The following PER1 variants were observed in gnomAD, a reference collection of about 807,000 sequenced individuals.
The protein encoded by PER1 is period circadian protein homolog 1.
A neutral mutation model predicts 125.9 loss-of-function variants in PER1; 87 were observed. That is an observed-to-expected ratio of 0.69 (90% CI 0.58 to 0.83). The LOEUF (loss-of-function observed/expected upper bound fraction) is 0.83. Among genes scored for constraint, PER1 ranks in the 40% least tolerant of loss-of-function variants. The probability of loss-of-function intolerance (pLI) is 0.00; values close to 1 mark genes in which losing one functional copy is unlikely to be tolerated. For synonymous variants in PER1, 801 were observed against 714.7 expected (o/e 1.12, Z -1.93); for missense variants, 1,775 against 1,722.8 (o/e 1.03, Z -0.54).
At chr17:8,145,843 C>A (rs1173257530) in intron 17 of PER1, 115 bp downstream of exon 17, 5 of 1,231,520 alleles carry the variant, frequency 4.1e-6, no homozygotes, top group African/African-American at 3.1e-5. Context: ...AGCCCCAGGT[C>A]AAGGGAGGCC....
rs1180091489 is a variant in PER1 at position 8,141,278 on chromosome 17, T to C, written c.3663A>G (p.Ser1221=). The C allele has an allele frequency of 1.2e-6, 2 of 1,613,950 alleles. No individual in the cohort carries two copies. The highest frequency in any genetic ancestry group is 4.5e-5 in the East Asian group (2 of 44,896). ...DPGHPDDPLF[S]ELDGLGLEPM... ...GCTCCAGCCCCAGTCCATCCAGCTC[T>C]GAGAAGAGTGGGTCATCAGGGTGAC... Residue 1221 remains serine, a synonymous_variant, in exon 23 of 23, where the codon TCA becomes TCG. Transcript: ENST00000317276.
chr17:8,142,114 TCTC>T, intron 21 of PER1, 152 bp downstream of exon 21: 2 of 1,147,726 alleles, frequency 1.7e-6, no homozygotes, highest in Non-Finnish European at 2.5e-6. Context: ...GGAAACCTGC[TCTC>T]CTCCTGGGAG....
At chr17:8,141,549 T>C (rs1982078233) in intron 22 of PER1, among the ~76,000 whole-genome samples, 1 of 152,202 alleles carries the variant, frequency 6.6e-6, no homozygotes, top group South Asian at 2.1e-4. Context: ...CAATGCATAT[T>C]AGCATAGGAT....
At chr17:8,144,676 C>T in intron 18 of PER1, 75 bp downstream of exon 18, 2 of 1,529,648 alleles carry the variant, frequency 1.3e-6, no homozygotes, top group South Asian at 2.4e-5. Context: ...GAAACACCTC[C>T]CTTAAGACCC....
intron 6 of PER1, 29 bp from the exon 7 acceptor site, chr17:8,149,339 A>G: frequency 5.0e-6 from 8 of 1,613,086 alleles, no homozygotes; most frequent in Non-Finnish European, 6.8e-6. Flanking sequence ...GAGTGAGCAC[A>G]GCTTCCTGCC....
chr17:8,147,121 G>T, intron 13 of PER1, 119 bp from the exon 14 acceptor site: 1 of 1,408,224 alleles, frequency 7.1e-7, no homozygotes, highest in Non-Finnish European at 9.8e-7. Flanking sequence ...ATGGGAGCAG[G>T]ACAAGAAGGA....
chr17:8,146,857 C>A lies in PER1; in HGVS notation c.1735+40G>T, dbSNP rs775797654. The A allele has an allele frequency of 6.8e-6, 11 of 1,608,788 alleles. No individual in the cohort carries two copies. The Admixed American group carries it at 1.0e-4, about 15-fold the overall frequency. ...TTGGGGGTGAAGGTCAGGGGACCCCCCAGGTCTGTCTCTTCACCCACACAT... is the reference window on the plus strand; with the variant it reads ...TTGGGGGTGAAGGTCAGGGGACCCCACAGGTCTGTCTCTTCACCCACACAT... On this transcript the variant is annotated intron_variant, in intron 14 of 22. Transcript: ENST00000317276.
At chr17:8,142,596 C>G (rs927641105) in intron 20 of PER1, 53 bp downstream of exon 20, 2 of 1,595,160 alleles carry the variant, frequency 1.3e-6, no homozygotes, top group African/African-American at 1.3e-5. Context: ...CCTGGGCTCC[C>G]GGCTCCCCAA....
rs1982742223 is a variant in PER1 at position 8,150,080 on chromosome 17, T to C, written c.420A>G (p.Thr140=). Residue 140 remains threonine, a synonymous_variant, in exon 4 of 23, where the codon ACA becomes ACG. Transcript: ENST00000317276. ...GTCGAAGCTTGAGCTCTCGAAGTGCTGTCATGAGTTCCTTCTGAGTCCTTG... is the reference window on the plus strand; with the variant it reads ...GTCGAAGCTTGAGCTCTCGAAGTGCCGTCATGAGTTCCTTCTGAGTCCTTG... ...ARARTQKELM[T]ALRELKLRLP... is the part of the protein sequence containing the mutation. The C allele has an allele frequency of 6.2e-7, 1 of 1,614,224 alleles. No homozygotes were observed. The highest frequency in any genetic ancestry group is 8.5e-7 in the Non-Finnish European group (1 of 1,180,030).
chr17:8,151,241 G>A (rs1377391567), intron 1 of PER1, among the ~76,000 whole-genome samples: 5 of 152,226 alleles, frequency 3.3e-5, no homozygotes, highest in Non-Finnish European at 5.9e-5. Flanking sequence ...TCCGGGGGCG[G>A]TGCCACCCCC....
Position 8,149,575 on chromosome 17 carries a change from T to C in PER1, c.740A>G (p.Asp247Gly), listed in dbSNP as rs755358051. Residue 247 changes from aspartate (D) to glycine (G), a missense_variant, in exon 6 of 23, where the codon GAC becomes GGC. Coordinates refer to ENST00000317276, the MANE Select transcript of PER1 (RefSeq NM_002616.3). Reference sequence around the variant, plus strand: ...AGAGAAGCGGGTACCCCGGAACACGTCCCGCTTGCAACGCAGCAGGACGGC... The same window carrying C: ...AGAGAAGCGGGTACCCCGGAACACGCCCCGCTTGCAACGCAGCAGGACGGC... Reference protein sequence around the residue: ...QAAVLLRCKRDVFRGTRFSEL... With the variant: ...QAAVLLRCKRGVFRGTRFSEL... 1 of 1,613,666 alleles carries C rather than the reference T, an allele frequency of 6.2e-7. No homozygotes were observed. Among genetic ancestry groups the C allele is most frequent in the Admixed American group, 1.7e-5 (1 of 60,016 alleles).
chr17:8,148,931 T>G (rs980570994), intron 7 of PER1, 145 bp from the exon 8 acceptor site: 17 of 936,256 alleles, frequency 1.8e-5, no homozygotes, highest in Non-Finnish European at 2.4e-5. Flanking sequence ...GCTCACGCCT[T>G]TAATCCCAGC....
At position 8,149,563 on chromosome 17, in the gene PER1, C is replaced by T; in HGVS notation, c.752G>A (p.Gly251Asp). ...AGCCAGGAGCTCAGAGAAGCGGGTA[C>T]CCCGGAACACGTCCCGCTTGCAACG... The part of the protein sequence containing the change: ...LLRCKRDVFR[G>D]TRFSELLAPQ... Residue 251 changes from glycine (G) to aspartate (D), a missense_variant, in exon 6 of 23, where the codon GGT becomes GAT. Gly to Asp is a moderately conservative substitution (Grantham distance 94). Transcript: ENST00000317276. 1 of 1,613,888 alleles carries T rather than the reference C, an allele frequency of 6.2e-7. No individual in the cohort carries two copies. The highest frequency in any genetic ancestry group is 8.5e-7 in the Non-Finnish European group (1 of 1,179,950).
chr17:8,144,985 T>C lies in PER1; in HGVS notation c.2227A>G (p.Met743Val), dbSNP rs373618186. ...DKKPPESDII[M>V]MEDLPGLAPG... ...GCTAGGCCAGGCAGGTCCTCCATCA[T>C]GATGATGTCTGAGGAGAGTGAGATA... Residue 743 changes from methionine to valine, a missense_variant, in exon 18 of 23, where the codon ATG (methionine) becomes GTG (valine). Transcript: ENST00000317276. 1 of 1,495,988 alleles carries C rather than the reference T, an allele frequency of 6.7e-7. No homozygotes were observed. The highest frequency in any genetic ancestry group is 8.9e-7 in the Non-Finnish European group (1 of 1,123,064). 92.7% of individuals were successfully genotyped at this position (1,495,988 alleles called of 1,614,324 possible). A position where few individuals can be genotyped will look rare whatever the true frequency, so the allele number is the denominator to read the frequency against.
Position 8,150,445 on chromosome 17 carries a change from C to T in PER1, c.262G>A (p.Glu88Lys), listed in dbSNP as rs1228647957. ...ATCCATACACACCTCTTGCTGCTCT[C>T]AGTGGTCTCCAGCAGGGCTGAGTCC... is the stretch of plus-strand genomic sequence containing the variant. ...GKDSALLETT[E>K]SSKSTNSQSP... The change falls in exon 2 of 23, where the codon GAG becomes AAG. Residue 88 changes from glutamate to lysine, a missense_variant. Coordinates refer to ENST00000317276, the MANE Select transcript of PER1 (RefSeq NM_002616.3). 2 of 1,611,946 alleles carry T rather than the reference C, an allele frequency of 1.2e-6. No individual in the cohort carries two copies. Among genetic ancestry groups the T allele is most frequent in the Non-Finnish European group, 1.7e-6 (2 of 1,178,808 alleles).
chr17:8,147,748 G>A lies in PER1; in HGVS notation c.1314C>T (p.Asp438=). The A allele has an allele frequency of 6.2e-7, 1 of 1,614,134 alleles. No individual in the cohort carries two copies. Among genetic ancestry groups the A allele is most frequent in the Non-Finnish European group, 8.5e-7 (1 of 1,180,026 alleles). The change falls in exon 11 of 23, where the codon GAC becomes GAT. Residue 438 remains aspartate, a synonymous_variant. Coordinates refer to ENST00000317276, the MANE Select transcript of PER1 (RefSeq NM_002616.3). The stretch of plus-strand genomic sequence containing the variant: ...GGTGCACAAAGCCAGCCCAGCTGGT[G>A]TCCATGGTGACATACTCCCCGTTGC... The part of the protein sequence containing the change: ...CARNGEYVTM[D]TSWAGFVHPW...
chr17:8,144,512 G>A (rs973111774), intron 18 of PER1: 39 of 529,014 alleles, frequency 7.4e-5, no homozygotes, highest in Middle Eastern at 2.7e-4. Flanking sequence ...CCTGGAGACA[G>A]CACCTCTGCC....
intron 13 of PER1, 116 bp from the exon 14 acceptor site, chr17:8,147,118 C>A: frequency 1.4e-6 from 2 of 1,404,418 alleles, no homozygotes; most frequent in Non-Finnish European, 2.0e-6. Flanking sequence ...TTGATGGGAG[C>A]AGGACAAGAA....
Position 8,149,493 on chromosome 17 carries a change from G to A in PER1, c.822C>T (p.Arg274=), listed in dbSNP as rs563635572. 2 of 1,613,722 alleles carry A rather than the reference G, an allele frequency of 1.2e-6. No homozygotes were observed. The highest frequency in any genetic ancestry group is 1.1e-5 in the South Asian group (1 of 91,082). ...AGGCCCCTGTGCCCCAGGTGGGCAG[G>A]CGAGATGGAGCAGTGGAACCATAGA... ...GVFYGSTAPS[R]LPTWGTGASA... The change falls in exon 6 of 23, where the codon CGC becomes CGT. Residue 274 remains arginine (R), a synonymous_variant. Transcript: ENST00000317276.
Sources: gnomAD v4.1 joint callset for allele counts (sites outside exome capture counted in the v4.1 genomes callset) on GRCh38, gnomAD v4.1.1 for gene constraint, MANE v1.5 for transcripts, NCBI Gene and HGNC (gene_info 2026-07-23, HGNC 2026-07-21) for gene names.